The following PTPRD variants were observed in gnomAD, a reference collection of about 807,000 sequenced individuals.
The protein encoded by PTPRD is protein tyrosine phosphatase receptor type D.
Under a neutral mutation model 214.5 loss-of-function variants are expected in PTPRD, and 34 were observed. That is an observed-to-expected ratio of 0.16 (90% CI 0.12 to 0.21). The LOEUF (loss-of-function observed/expected upper bound fraction) is 0.21, where lower values mean the gene tolerates loss of function less well. PTPRD is among the 10% of genes least tolerant of loss of function. The pLI, the probability that PTPRD is intolerant of heterozygous loss-of-function variation, is 1.00. For missense variants in PTPRD, 2,545 were observed against 2,398.7 expected, an observed-to-expected ratio of 1.06 and a Z score of -1.27; for synonymous variants, 1,128 against 845.7, an observed-to-expected ratio of 1.33 and a Z score of -5.79.
intron 10 of PTPRD, among the ~76,000 whole-genome samples, 153 bp from the exon 11 acceptor site, chr9:9,018,888 T>C (rs2099547700): frequency 6.6e-6 from 1 of 152,202 alleles, no homozygotes; most frequent in African/African-American, 2.4e-5. Context: ...GCATTTCCTT[T>C]CACACTTATT....
At chr9:10,428,481 C>T (rs591339) in intron 2 of PTPRD, among the ~76,000 whole-genome samples, 4,046 of 151,866 alleles carry the variant, frequency 0.027, 164 homozygotes, top group African/African-American at 0.091. Flanking sequence ...TTATTTTTAC[C>T]TTTTTGTCTC....
chr9:9,608,248 C>T (rs906405795), intron 7 of PTPRD, among the ~76,000 whole-genome samples: 13 of 152,100 alleles, frequency 8.5e-5, no homozygotes, highest in African/African-American at 2.9e-4. Flanking sequence ...ACTGTTATTG[C>T]TGTTATTATT....
intron 11 of PTPRD, chr9:8,797,257 A>G (rs1015353286): frequency 6.6e-6 from 1 of 152,214 alleles, no homozygotes; most frequent in Non-Finnish European, 1.5e-5. Flanking sequence ...TCCTAATACG[A>G]TTGCCTTATG....
chr9:9,813,923 A>T (rs540499711), intron 5 of PTPRD, among the ~76,000 whole-genome samples: 3 of 152,238 alleles, frequency 2.0e-5, no homozygotes, highest in Admixed American at 6.5e-5. Flanking sequence ...ATCAATTGGG[A>T]TTTATCCCTT....
intron 5 of PTPRD, among the ~76,000 whole-genome samples, chr9:9,919,983 T>C (rs1182625105): frequency 1.3e-5 from 2 of 152,194 alleles, no homozygotes; most frequent in Admixed American, 1.3e-4. Context: ...CATATACACC[T>C]TGAAGTTTTT....
At chr9:9,017,100 T>A (rs765602241) in intron 11 of PTPRD, among the ~76,000 whole-genome samples, 36 of 152,020 alleles carry the variant, frequency 2.4e-4, no homozygotes, top group Non-Finnish European at 4.6e-4. Context: ...CTGCGACTAT[T>A]AGTAAGATTA....
intron 9 of PTPRD, among the ~76,000 whole-genome samples, chr9:9,328,323 G>C (rs1349975913): frequency 6.6e-6 from 1 of 152,070 alleles, no homozygotes; most frequent in Non-Finnish European, 1.5e-5. Context: ...GTAGTATGTG[G>C]TATGTCACTT....
intron 9 of PTPRD, among the ~76,000 whole-genome samples, chr9:9,212,661 C>A (rs1486984398): frequency 6.6e-6 from 1 of 152,150 alleles, no homozygotes; most frequent in East Asian, 1.9e-4. Flanking sequence ...GTATTTTGCA[C>A]ATACAGCCAA....
intron 29 of PTPRD, among the ~76,000 whole-genome samples, chr9:8,484,940 T>C (rs2096966582): frequency 1.3e-5 from 2 of 152,186 alleles, no homozygotes; most frequent in African/African-American, 4.8e-5. Flanking sequence ...TTTCATTCTC[T>C]GGCTGAAAAA....
At chr9:10,242,304 T>C (rs1262204334) in intron 3 of PTPRD, among the ~76,000 whole-genome samples, 6 of 151,996 alleles carry the variant, frequency 3.9e-5, no homozygotes, top group South Asian at 2.1e-4. Context: ...TAAGCTCCCA[T>C]ATAAATTTCA....
chr9:9,943,523 A>G (rs2092002323), intron 4 of PTPRD, among the ~76,000 whole-genome samples: 1 of 152,204 alleles, frequency 6.6e-6, no homozygotes. Flanking sequence ...TCTTCATGGA[A>G]CATATCTTCT....
intron 4 of PTPRD, among the ~76,000 whole-genome samples, chr9:9,969,154 A>T (rs1053281944): frequency 2.0e-5 from 3 of 151,720 alleles, no homozygotes; most frequent in Admixed American, 6.6e-5. Context: ...CTGAGGTTAC[A>T]TAGAAATTAG....
intron 8 of PTPRD, among the ~76,000 whole-genome samples, chr9:9,451,291 A>T (rs139409524): frequency 1.3e-5 from 2 of 151,742 alleles, no homozygotes; most frequent in Non-Finnish European, 2.9e-5. Context: ...AAATAAACAC[A>T]AGGCTATAGG....
At chr9:10,125,748 C>T (rs1156286792) in intron 3 of PTPRD, among the ~76,000 whole-genome samples, 1 of 151,746 alleles carries the variant, frequency 6.6e-6, no homozygotes, top group Admixed American at 6.6e-5. Flanking sequence ...TCCCAAAGTG[C>T]TGGGATTATA....
chr9:9,822,516 C>T (rs1309732536), intron 5 of PTPRD, among the ~76,000 whole-genome samples: 1 of 147,512 alleles, frequency 6.8e-6, no homozygotes, highest in East Asian at 1.9e-4. Flanking sequence ...GTAATATATA[C>T]ATAATATATT....
At chr9:10,538,432 G>C (rs1158049284) in intron 2 of PTPRD, among the ~76,000 whole-genome samples, 1 of 151,922 alleles carries the variant, frequency 6.6e-6, no homozygotes, top group Non-Finnish European at 1.5e-5. Flanking sequence ...TTCCAGGCTT[G>C]AATAAAAATC....
chr9:9,301,277 C>T (rs1955186643), intron 9 of PTPRD, among the ~76,000 whole-genome samples: 2 of 151,920 alleles, frequency 1.3e-5, no homozygotes, highest in African/African-American at 4.8e-5. Flanking sequence ...GCTGTCAAAA[C>T]AGATTTCATG....
intron 30 of PTPRD, among the ~76,000 whole-genome samples, chr9:8,473,837 A>G (rs761924627): frequency 4.6e-5 from 7 of 152,220 alleles, no homozygotes; most frequent in Non-Finnish European, 8.8e-5. Flanking sequence ...TCTCTAAAGC[A>G]TTCATCTAGG....
intron 6 of PTPRD, among the ~76,000 whole-genome samples, chr9:9,752,902 T>G (rs373551276): frequency 1.3e-5 from 2 of 152,034 alleles, no homozygotes; most frequent in Non-Finnish European, 2.9e-5. Flanking sequence ...CACAGCATAC[T>G]TTGCTTGGCA....
Sources: gnomAD v4.1 joint callset for allele counts (sites outside exome capture counted in the v4.1 genomes callset) on GRCh38, gnomAD v4.1.1 for gene constraint, MANE v1.5 for transcripts, NCBI Gene and HGNC (gene_info 2026-07-23, HGNC 2026-07-21) for gene names.